LY96: variants seen among roughly 807,000 people sequenced by gnomAD.
The protein encoded by LY96 is lymphocyte antigen 96.
In LY96, 18 loss-of-function variants were observed where a neutral mutation model predicts 18.9. The observed-to-expected ratio is 0.95, with a 90% CI of 0.66 to 1.41. LY96 has a LOEUF of 1.41. Ranked by LOEUF, LY96 falls within the 40% of genes most tolerant of loss-of-function variation. The pLI is 0.00. For synonymous variants in LY96, 66 were observed against 62.6 expected (o/e 1.06, Z -0.26); for missense variants, 175 against 182.4 (o/e 0.96, Z 0.23).
the LY96 span, among the ~76,000 whole-genome samples, chr8:74,088,275 T>G: frequency 6.6e-6 from 1 of 152,184 alleles, no homozygotes; most frequent in Non-Finnish European, 1.5e-5. Flanking sequence ...GCCAGCACAC[T>G]GGACACTTCT....
At chr8:74,056,581 G>C in the LY96 span, 2 of 159,544 alleles carry the variant, frequency 1.3e-5, no homozygotes, top group Admixed American at 1.3e-4. Flanking sequence ...AAAAGCTACT[G>C]GGGATGAGAC....
intron 3 of LY96, among the ~76,000 whole-genome samples, chr8:74,015,861 C>A (rs1236133629): frequency 1.3e-5 from 2 of 152,224 alleles, no homozygotes; most frequent in Non-Finnish European, 1.5e-5. Context: ...AAGCTTCAAG[C>A]TAACTTCCTA....
intron 1 of LY96, among the ~76,000 whole-genome samples, chr8:74,000,733 G>A (rs565009530): frequency 6.6e-5 from 10 of 152,238 alleles, no homozygotes; most frequent in South Asian, 2.1e-4. Flanking sequence ...AACAGAATAC[G>A]TAAGACTGGG....
chr8:73,997,335 A>C (rs762830456), intron 1 of LY96, among the ~76,000 whole-genome samples: 5 of 152,162 alleles, frequency 3.3e-5, no homozygotes, highest in Non-Finnish European at 7.3e-5. Context: ...ACTGCTCTCT[A>C]ACACTCATGC....
chr8:74,070,162 G>C, the LY96 span, among the ~76,000 whole-genome samples: 1 of 151,648 alleles, frequency 6.6e-6, no homozygotes, highest in Non-Finnish European at 1.5e-5. Context: ...CGCGATCTCG[G>C]CTCACTGCAA....
the LY96 span, among the ~76,000 whole-genome samples, chr8:74,088,765 T>C: frequency 6.6e-6 from 1 of 152,152 alleles, no homozygotes; most frequent in Admixed American, 6.5e-5. Context: ...TTTGTATTTT[T>C]AGTAGACATG....
At chr8:74,059,062 C>T in the LY96 span, among the ~76,000 whole-genome samples, 1 of 152,158 alleles carries the variant, frequency 6.6e-6, no homozygotes, top group Admixed American at 6.5e-5. Flanking sequence ...TGATGTCCAC[C>T]CACATTGGGG....
the LY96 span, among the ~76,000 whole-genome samples, chr8:74,046,870 AT>A: frequency 7.1e-6 from 1 of 140,990 alleles, no homozygotes; most frequent in Non-Finnish European, 1.5e-5. Flanking sequence ...GGAGGTGAAC[AT>A]TTTTCCTGAC....
At chr8:74,065,776 A>G in the LY96 span, among the ~76,000 whole-genome samples, 1,448 of 152,346 alleles carry the variant, frequency 9.5e-3, 26 homozygotes, top group African/African-American at 0.033. Flanking sequence ...TATTAAGACA[A>G]TCTTCACAAC....
chr8:74,084,032 T>G, the LY96 span, among the ~76,000 whole-genome samples: 21 of 152,242 alleles, frequency 1.4e-4, no homozygotes, highest in South Asian at 4.2e-4. Context: ...CTTTTTTTTT[T>G]TTTGTTTCGT....
downstream of LY96, among the ~76,000 whole-genome samples, chr8:74,030,245 G>C (rs1259293193): frequency 6.6e-6 from 1 of 152,178 alleles, no homozygotes; most frequent in Non-Finnish European, 1.5e-5. Flanking sequence ...GGGTGCAGTG[G>C]CTCACACCTG....
chr8:73,999,672 T>A (rs1486670451), intron 1 of LY96, among the ~76,000 whole-genome samples: 2 of 152,210 alleles, frequency 1.3e-5, no homozygotes, highest in East Asian at 3.8e-4. Flanking sequence ...TACATTTTTA[T>A]TTTCTTTAAA....
At chr8:74,066,514 G>A in the LY96 span, among the ~76,000 whole-genome samples, 2 of 152,050 alleles carry the variant, frequency 1.3e-5, no homozygotes, top group East Asian at 3.9e-4. Flanking sequence ...TGGGTGTGAG[G>A]GAAGCAGGTA....
At chr8:74,043,831 A>C in the LY96 span, among the ~76,000 whole-genome samples, 3 of 152,214 alleles carry the variant, frequency 2.0e-5, no homozygotes, top group Non-Finnish European at 2.9e-5. Context: ...TTAGCATTCT[A>C]ATATTGTTTT....
At chr8:74,093,873 G>A in the LY96 span, among the ~76,000 whole-genome samples, 1 of 151,968 alleles carries the variant, frequency 6.6e-6, no homozygotes, top group East Asian at 1.9e-4. Context: ...AATGAATCTT[G>A]GTGTATTTTT....
the LY96 span, among the ~76,000 whole-genome samples, chr8:74,089,821 C>T: frequency 6.6e-6 from 1 of 152,022 alleles, no homozygotes; most frequent in South Asian, 2.1e-4. Flanking sequence ...TCAAGAAGGG[C>T]CTCACGAATC....
intron 1 of LY96, among the ~76,000 whole-genome samples, chr8:73,999,716 G>A (rs1432538588): frequency 1.3e-5 from 2 of 152,070 alleles, no homozygotes; most frequent in African/African-American, 4.8e-5. Flanking sequence ...ACAGGGTCTT[G>A]CTATATTGCC....
At chr8:74,008,962 C>T (rs539984773) in intron 2 of LY96, among the ~76,000 whole-genome samples, 1 of 152,240 alleles carries the variant, frequency 6.6e-6, no homozygotes, top group African/African-American at 2.4e-5. Context: ...GCAGGCAGTT[C>T]TGTTAAGCAT....
At chr8:73,996,636 C>T (rs1458239545) in intron 1 of LY96, among the ~76,000 whole-genome samples, 2 of 151,436 alleles carry the variant, frequency 1.3e-5, no homozygotes, top group African/African-American at 4.9e-5. Flanking sequence ...TCAGGCTGGT[C>T]TTGAACTCCT....
Sources: allele counts gnomAD v4.1 joint callset (sites outside exome capture counted in the v4.1 genomes callset), GRCh38; gene constraint gnomAD v4.1.1; transcripts MANE v1.5; gene names NCBI Gene and HGNC (gene_info 2026-07-23, HGNC 2026-07-21).